Variants in FAM53B observed in about 807,000 individuals in gnomAD.
The protein encoded by FAM53B is family with sequence similarity 53 member B, also known as protein FAM53B.
FAM53B carries 12 observed loss-of-function variants against 32.7 expected under a neutral mutation model. That is an observed-to-expected ratio of 0.37 (90% confidence interval 0.24 to 0.59). The LOEUF is 0.59. FAM53B is among the 20% of genes least tolerant of loss of function. The pLI, the probability that FAM53B is intolerant of heterozygous loss-of-function variation, is 0.72. For missense variants in FAM53B, 477 were observed against 577.7 expected (o/e 0.83, Z 1.79); for synonymous variants, 234 against 228.7 (o/e 1.02, Z -0.21).
intron 3 of FAM53B, among the ~76,000 whole-genome samples, chr10:124,695,538 A>C (rs113487663): frequency 6.6e-6 from 1 of 152,212 alleles, no homozygotes; most frequent in Non-Finnish European, 1.5e-5. Context: ...CAGACAAAGA[A>C]TTAGGCACTT....
In FAM53B at chr10:124,698,844, C is replaced by G. The variant is rs536895083; in HGVS notation, c.79-2632G>C. ...CCACGTCATTCTGTTCCAACAACTT[C>G]CCACCACAACCAGAATCAAATCCCG... On this transcript the variant is annotated intron_variant, in intron 2 of 4. Coordinates refer to ENST00000337318, the MANE Select transcript of FAM53B (RefSeq NM_014661.4). Among the ~76,000 whole-genome samples the G allele has an allele frequency of 2.8e-3, 429 of 152,286 alleles. 2 individuals carry two copies. Among genetic ancestry groups the G allele is most frequent in the African/African-American group, 0.01 (416 of 41,550 alleles).
intron 4 of FAM53B, among the ~76,000 whole-genome samples, chr10:124,637,036 C>A (rs1273131046): frequency 6.6e-6 from 1 of 152,148 alleles, no homozygotes; most frequent in Non-Finnish European, 1.5e-5. Flanking sequence ...GATTTATCTG[C>A]CCAAAGAGGC....
At position 124,626,342 on chromosome 10, in the gene FAM53B, T is replaced by C. The variant is rs115637704; in HGVS notation, c.907-2738A>G. 2.1e-3 allele frequency among the ~76,000 whole-genome samples: 312 copies of C among 151,586 alleles called. 3 individuals are homozygous for C. The highest frequency in any genetic ancestry group is 7.2e-3 in the African/African-American group (299 of 41,248). On this transcript the variant is annotated intron_variant, in intron 4 of 4. Transcript: ENST00000337318. ...GGTGCCTAACTTATGGCCACCATGA[T>C]TGTGTGGGTCTCGGCACTAACCGTG... is the stretch of plus-strand genomic sequence containing the variant.
intron 1 of FAM53B, among the ~76,000 whole-genome samples, chr10:124,736,832 C>T (rs147516732): frequency 8.4e-4 from 128 of 152,390 alleles, no homozygotes; most frequent in South Asian, 2.9e-3. Context: ...GGCCCACCCA[C>T]GCCCCCTCCT....
intron 4 of FAM53B, among the ~76,000 whole-genome samples, chr10:124,674,940 A>C (rs1293721935): frequency 6.6e-6 from 1 of 152,194 alleles, no homozygotes; most frequent in Non-Finnish European, 1.5e-5. Flanking sequence ...CCCCTACTTC[A>C]GAGAGCCGGG....
At chr10:124,669,850 C>A (rs1949696449) in intron 4 of FAM53B, among the ~76,000 whole-genome samples, 2 of 148,864 alleles carry the variant, frequency 1.3e-5, no homozygotes, top group Admixed American at 1.3e-4. Flanking sequence ...ACAGGAGGAG[C>A]CCCTCACAGG....
chr10:124,692,402 AAAAT>A (rs759842638), intron 3 of FAM53B, among the ~76,000 whole-genome samples: 3 of 152,150 alleles, frequency 2.0e-5, no homozygotes, highest in Non-Finnish European at 4.4e-5. Flanking sequence ...GCTTTTAATT[AAAAT>A]AAATAAATAA....
chr10:124,652,575 G>A (rs563640521), intron 4 of FAM53B, among the ~76,000 whole-genome samples: 3 of 152,296 alleles, frequency 2.0e-5, no homozygotes, highest in South Asian at 4.1e-4. Flanking sequence ...AGAGGCAAGG[G>A]GTCCAAGGAG....
intron 4 of FAM53B, among the ~76,000 whole-genome samples, chr10:124,650,480 G>A (rs531900202): frequency 3.3e-4 from 50 of 151,592 alleles, no homozygotes; most frequent in Non-Finnish European, 5.3e-4. Flanking sequence ...TGCCAAGCAC[G>A]CACAGTGTGG....
intron 4 of FAM53B, among the ~76,000 whole-genome samples, chr10:124,662,502 CCATCCATCCAT>C (rs1949640155): frequency 2.1e-5 from 1 of 47,842 alleles, no homozygotes; most frequent in Non-Finnish European, 4.6e-5. Flanking sequence ...ATCCATCCAT[CCATCCATCCAT>C]GTATTCAATA....
chr10:124,736,386 C>A (rs1334547429), intron 1 of FAM53B, among the ~76,000 whole-genome samples: 1 of 152,278 alleles, frequency 6.6e-6, no homozygotes, highest in African/African-American at 2.4e-5. Context: ...ATCCTGCACT[C>A]CTTCTGGAGA....
rs1480973491 is a variant in FAM53B at position 124,622,591 on chromosome 10, A to C, written c.*651T>G. ...CCCTCCAAATCGTTCCTTGGGCCCGAGACTCCGGACATGGCTTACCCTCTG... is the reference window on the plus strand; with the variant it reads ...CCCTCCAAATCGTTCCTTGGGCCCGCGACTCCGGACATGGCTTACCCTCTG... On this transcript the variant is annotated 3_prime_UTR_variant, in exon 5 of 5. Coordinates refer to ENST00000337318, the MANE Select transcript of FAM53B (RefSeq NM_014661.4). 6.6e-6 allele frequency: 1 copy of C among 152,466 alleles called. No individual in the cohort carries two copies. Among genetic ancestry groups the C allele is most frequent in the Non-Finnish European group, 1.5e-5 (1 of 68,060 alleles). 9.4% of individuals were successfully genotyped at this position (152,466 alleles called of 1,614,324 possible).
intron 1 of FAM53B, among the ~76,000 whole-genome samples, chr10:124,731,650 A>C (rs1236054314): frequency 6.6e-6 from 1 of 150,626 alleles, no homozygotes; most frequent in Non-Finnish European, 1.5e-5. Flanking sequence ...TCTGGAGCCC[A>C]TCCCACCACC....
At chr10:124,670,511 C>G (rs895013579) in intron 4 of FAM53B, among the ~76,000 whole-genome samples, 1 of 152,086 alleles carries the variant, frequency 6.6e-6, no homozygotes, top group African/African-American at 2.4e-5. Flanking sequence ...TCCCTTGCAC[C>G]CCCGACTCAG....
chr10:124,675,517 G>A (rs945214744), intron 4 of FAM53B, among the ~76,000 whole-genome samples: 7 of 152,232 alleles, frequency 4.6e-5, no homozygotes, highest in Admixed American at 2.6e-4. Flanking sequence ...AGTGCCAACC[G>A]TGTGCCAGAT....
At chr10:124,686,587 G>A (rs574478371) in intron 3 of FAM53B, among the ~76,000 whole-genome samples, 10 of 152,184 alleles carry the variant, frequency 6.6e-5, no homozygotes, top group African/African-American at 2.4e-4. Context: ...CTCTGTGATC[G>A]TACAGCACGT....
chr10:124,650,500 C>G (rs888183616), intron 4 of FAM53B, among the ~76,000 whole-genome samples: 2 of 152,172 alleles, frequency 1.3e-5, no homozygotes, highest in African/African-American at 4.8e-5. Context: ...GCCAGATGTG[C>G]TAGGCGCTCT....
intron 1 of FAM53B, among the ~76,000 whole-genome samples, chr10:124,710,592 GA>G (rs1949994950): frequency 6.6e-6 from 1 of 152,204 alleles, no homozygotes; most frequent in Non-Finnish European, 1.5e-5. Context: ...GCATGGCCAA[GA>G]AAAAGACAAT....
At chr10:124,662,437 TCCAC>T (rs1238205302) in intron 4 of FAM53B, among the ~76,000 whole-genome samples, 1 of 150,480 alleles carries the variant, frequency 6.6e-6, no homozygotes, top group African/African-American at 2.4e-5. Context: ...CATCCATCCA[TCCAC>T]CCACCCACAC....
Sources: allele counts gnomAD v4.1 joint callset (sites outside exome capture counted in the v4.1 genomes callset), GRCh38; gene constraint gnomAD v4.1.1; transcripts MANE v1.5; gene names NCBI Gene and HGNC (gene_info 2026-07-23, HGNC 2026-07-21).